The following ZNF18 variants were observed in gnomAD, a reference collection of about 807,000 sequenced individuals.
ZNF18 encodes heart development-specific gene 1 protein.
In ZNF18, 42 loss-of-function variants were observed where a neutral mutation model predicts 58.1. That is an observed-to-expected ratio of 0.72 (90% confidence interval 0.56 to 0.93). The LOEUF (loss-of-function observed/expected upper bound fraction) is 0.93. Ranked by LOEUF, ZNF18 falls within the 40% of genes least tolerant of loss-of-function variation. ZNF18 has a pLI of 0.00. For synonymous variants in ZNF18, 231 were observed against 239.8 expected (o/e 0.96, Z 0.34); for missense variants, 540 against 644.2 (o/e 0.84, Z 1.75).
intron 4 of ZNF18, 151 bp downstream of exon 4, chr17:11,990,311 T>C (rs1221524283): frequency 1.2e-5 from 7 of 575,954 alleles, no homozygotes; most frequent in Middle Eastern, 9.9e-4. Flanking sequence ...ATTCTATTTT[T>C]ACAAAACTCT....
In ZNF18 at chr17:11,978,517, T is replaced by C; in HGVS notation, c.1090A>G (p.Arg364Gly). 6.2e-7 allele frequency: 1 copy of C among 1,608,090 alleles called. No individual in the cohort carries two copies. Among genetic ancestry groups the C allele is most frequent in the Non-Finnish European group, 8.5e-7 (1 of 1,177,590 alleles). The change falls in exon 7 of 7, where the codon AGG becomes GGG. Residue 364 changes from arginine to glycine, a missense_variant. Transcript: ENST00000580306. ...GTGEQLSPQERISEKQLGQHL... is the reference protein window; with the variant it reads ...GTGEQLSPQEGISEKQLGQHL... ...TGACCTAGTTGTTTCTCAGAAATCCTTTCTTGAGGAGACAGCTGTTCCCCT... is the reference window on the plus strand; with the variant it reads ...TGACCTAGTTGTTTCTCAGAAATCCCTTCTTGAGGAGACAGCTGTTCCCCT...
At chr17:12,019,591 T>C in the ZNF18 span, among the ~76,000 whole-genome samples, 23 of 152,022 alleles carry the variant, frequency 1.5e-4, no homozygotes, top group African/African-American at 5.3e-4. Flanking sequence ...TCCACTGAAG[T>C]ACACCTACCT....
intron 4 of ZNF18, 67 bp from the exon 5 acceptor site, chr17:11,984,264 C>G: frequency 6.8e-7 from 1 of 1,475,598 alleles, no homozygotes; most frequent in Non-Finnish European, 9.2e-7. Flanking sequence ...ACCTGCCTTC[C>G]CTGCCTAAAG....
chr17:11,999,902 T>C (rs1452244283), upstream of ZNF18, among the ~76,000 whole-genome samples: 1 of 152,166 alleles, frequency 6.6e-6, no homozygotes, highest in Non-Finnish European at 1.5e-5. Context: ...TGTGGGAACC[T>C]CCAGGCAGAG....
rs117755721 is a variant in ZNF18 at position 11,978,039 on chromosome 17, G to A, written c.1568C>T (p.Ser523Leu). 0.024 allele frequency: 38,163 copies of A among 1,612,564 alleles called. 565 individuals are homozygous for A. The highest frequency in any genetic ancestry group is 0.028 in the Non-Finnish European group (32,527 of 1,179,452). ...VHTGEKPYKC[S>L]HCGKSFSWSS... ...CCAGCTGAAACTTTTCCCACAGTGC[G>A]AACATTTATAAGGTTTCTCTCCAGT... The change falls in exon 7 of 7, where the codon TCG becomes TTG. Residue 523 changes from serine to leucine, a missense_variant. Physicochemically the swap from Ser to Leu is moderately radical, Grantham distance 145. Transcript: ENST00000580306.
chr17:11,982,960 T>A (rs917515969), intron 6 of ZNF18, among the ~76,000 whole-genome samples: 2 of 152,196 alleles, frequency 1.3e-5, no homozygotes, highest in African/African-American at 4.8e-5. Context: ...TGCTACATAA[T>A]CCTTTGCAAT....
chr17:12,005,830 T>C, the ZNF18 span, among the ~76,000 whole-genome samples: 1 of 152,230 alleles, frequency 6.6e-6, no homozygotes, highest in African/African-American at 2.4e-5. Flanking sequence ...ATGTACAACA[T>C]GTAGGCAAAA....
rs188909004 is a variant in ZNF18, at chr17:11,990,452, G to C, written c.666+10C>G. 731 of 1,609,414 alleles carry C rather than the reference G, an allele frequency of 4.5e-4. 1 individual carries two copies. In the African/African-American group the frequency reaches 7.1e-3, roughly 16 times the overall value. On this transcript the variant is annotated intron_variant, in intron 4 of 6. Transcript: ENST00000580306. ...AGTTTCCTTTTCATCGCTTTTGTACGTCAGCTCACCTGAGGTGCTGCTGGG... is the reference window on the plus strand; with the variant it reads ...AGTTTCCTTTTCATCGCTTTTGTACCTCAGCTCACCTGAGGTGCTGCTGGG...
the ZNF18 span, chr17:12,010,810 G>C: frequency 2.5e-6 from 1 of 401,426 alleles, no homozygotes. Context: ...CACGAAGTGT[G>C]CTTTTCTGGG....
chr17:12,004,333 T>C, the ZNF18 span, among the ~76,000 whole-genome samples: 2 of 152,188 alleles, frequency 1.3e-5, no homozygotes, highest in African/African-American at 2.4e-5. Flanking sequence ...TGGATTATAT[T>C]ACCTAGTTTT....
At chr17:11,998,822 CTTTTTTT>C (rs71142260), upstream of ZNF18, among the ~76,000 whole-genome samples, 4 of 108,522 alleles carry the variant, frequency 3.7e-5, no homozygotes, top group African/African-American at 7.5e-5. Flanking sequence ...AGTTTCTAGT[CTTTTTTT>C]TTTTTTTTTT....
chr17:11,985,763 C>T (rs1333662228), intron 4 of ZNF18, among the ~76,000 whole-genome samples: 1 of 152,162 alleles, frequency 6.6e-6, no homozygotes, highest in Non-Finnish European at 1.5e-5. Context: ...AACAGGTCCT[C>T]AGTAGATAAT....
chr17:11,981,406 G>A (rs1363412236), intron 6 of ZNF18, among the ~76,000 whole-genome samples: 7 of 147,034 alleles, frequency 4.8e-5, no homozygotes, highest in Admixed American at 2.8e-4. Context: ...TGCAACCTCC[G>A]CCTCCCAGGT....
chr17:11,978,603 C>G lies in ZNF18; in HGVS notation c.1004G>C (p.Gly335Ala). The G allele has an allele frequency of 6.2e-7, 1 of 1,614,102 alleles. No homozygotes were observed. Among genetic ancestry groups the G allele is most frequent in the Non-Finnish European group, 8.5e-7 (1 of 1,180,032 alleles). The stretch of plus-strand genomic sequence containing the variant: ...GAGATTCTCTCCTTCTCCAAAGCAT[C>G]CTGGCTCATCCTCAGTGAAGAAGCC... Reference protein sequence around the residue: ...LRGFFTEDEPGCFGEGENLPE... With the variant: ...LRGFFTEDEPACFGEGENLPE... Residue 335 changes from glycine to alanine, a missense_variant, in exon 7 of 7, where the codon GGA becomes GCA. By Grantham distance (60) the Gly-to-Ala change is moderately conservative (BLOSUM62 0). Transcript: ENST00000580306.
the ZNF18 span, among the ~76,000 whole-genome samples, chr17:12,008,075 C>A: frequency 6.6e-6 from 1 of 152,164 alleles, no homozygotes; most frequent in African/African-American, 2.4e-5. Context: ...CGTGGAGATA[C>A]GAAGAAGCAG....
At chr17:12,000,916 A>G (rs1368942840), upstream of ZNF18, among the ~76,000 whole-genome samples, 1 of 152,240 alleles carries the variant, frequency 6.6e-6, no homozygotes, top group Non-Finnish European at 1.5e-5. Flanking sequence ...AGAGCAGCAA[A>G]TATAGACAAG....
At chr17:12,019,006 G>A in the ZNF18 span, among the ~76,000 whole-genome samples, 1 of 151,748 alleles carries the variant, frequency 6.6e-6, no homozygotes, top group South Asian at 2.1e-4. Context: ...CCAGGCTGGA[G>A]TGCAGTGGCA....
intron 1 of ZNF18, chr17:11,996,904 C>A (rs568915616): frequency 2.0e-4 from 31 of 152,350 alleles, no homozygotes; most frequent in African/African-American, 7.0e-4. Flanking sequence ...GAACTGCCAA[C>A]GTCTGGTGAT....
Position 11,978,473 on chromosome 17 carries a change from A to T in ZNF18, c.1134T>A (p.His378Gln). 2 of 1,589,978 alleles carry T rather than the reference A, an allele frequency of 1.3e-6. No homozygotes were observed. The highest frequency in any genetic ancestry group is 1.7e-6 in the Non-Finnish European group (2 of 1,168,672). ...KQLGQHLPNP[H>Q]SGEMSTMWLE... is the part of the protein sequence containing the mutation. Reference sequence around the variant, plus strand: ...GCCACATGGTGGACATTTCTCCTGAATGAGGATTAGGCAAATGCTGACCTA... The same window carrying T: ...GCCACATGGTGGACATTTCTCCTGATTGAGGATTAGGCAAATGCTGACCTA... The change falls in exon 7 of 7, where the codon CAT becomes CAA. Residue 378 changes from histidine to glutamine, a missense_variant. By Grantham distance (24) the His-to-Gln change is conservative (BLOSUM62 0). Transcript: ENST00000580306.
Sources: gnomAD v4.1 joint callset for allele counts (sites outside exome capture counted in the v4.1 genomes callset) on GRCh38, gnomAD v4.1.1 for gene constraint, MANE v1.5 for transcripts, NCBI Gene and HGNC (gene_info 2026-07-23, HGNC 2026-07-21) for gene names.